Variants in MALRD1 observed in about 807,000 individuals in gnomAD.
The protein encoded by MALRD1 is MAM and LDL-receptor class A domain-containing protein 1.
A neutral mutation model predicts 242.1 loss-of-function variants in MALRD1; 247 were observed. That is an observed-to-expected ratio of 1.02 (90% CI 0.92 to 1.13). The LOEUF (loss-of-function observed/expected upper bound fraction) is 1.13. Ranked by LOEUF, MALRD1 falls within the 50% of genes most tolerant of loss-of-function variation. The pLI is 0.00. For missense variants in MALRD1, 2,989 were observed against 2,533.1 expected (o/e 1.18, Z -3.86); for synonymous variants, 995 against 866.6 (o/e 1.15, Z -2.60).
At chr10:19,679,614 C>T (rs994539603) in intron 36 of MALRD1, among the ~76,000 whole-genome samples, 2 of 151,896 alleles carry the variant, frequency 1.3e-5, no homozygotes, top group South Asian at 2.1e-4. Context: ...CTGCTGGATT[C>T]GTTGATCTTT....
At chr10:19,278,139 C>T (rs79274263) in intron 19 of MALRD1, among the ~76,000 whole-genome samples, 3,312 of 152,164 alleles carry the variant, frequency 0.022, 139 homozygotes, top group African/African-American at 0.077. Flanking sequence ...GTCAATCAGA[C>T]ACATGCTTAT....
chr10:19,052,914 T>C lies in MALRD1; in HGVS notation c.199+3777T>C, dbSNP rs141181930. ...GATGCTTTTTCTTCCCTCCTCAAGTTCCTTTTTGCACTATCACCACCCAAC... is the reference window on the plus strand; with the variant it reads ...GATGCTTTTTCTTCCCTCCTCAAGTCCCTTTTTGCACTATCACCACCCAAC... On this transcript the variant is annotated intron_variant, in intron 1 of 39. Coordinates refer to ENST00000454679, the MANE Select transcript of MALRD1 (RefSeq NM_001142308.3). Among the ~76,000 whole-genome samples the C allele has an allele frequency of 3.1e-3, 476 of 152,282 alleles. 4 individuals are homozygous for C. The highest frequency in any genetic ancestry group is 0.011 in the African/African-American group (454 of 41,562).
intron 13 of MALRD1, among the ~76,000 whole-genome samples, chr10:19,171,903 C>T (rs548706413): frequency 1.2e-4 from 16 of 134,632 alleles, no homozygotes; most frequent in Non-Finnish European, 1.8e-4. Context: ...ATATATATCA[C>T]ATAATATATG....
At chr10:19,600,992 C>T (rs543407580) in intron 34 of MALRD1, among the ~76,000 whole-genome samples, 1 of 152,060 alleles carries the variant, frequency 6.6e-6, no homozygotes, top group Admixed American at 6.6e-5. Context: ...TCAAGCAATC[C>T]CCCCACCTTA....
rs149254020 is a variant in MALRD1, at chr10:19,516,371, C to T, written c.5321-14823C>T. Among the ~76,000 whole-genome samples, 402 of 152,206 alleles carry T rather than the reference C, an allele frequency of 2.6e-3. 7 individuals are homozygous for T. The East Asian group carries it at 0.05, about 19-fold the overall frequency. ...AGCTGGTAGAAAAATACCACACATA[C>T]ATAACATATAGACAATTAGACAAAA... is the stretch of plus-strand genomic sequence containing the variant. On this transcript the variant is annotated intron_variant, in intron 31 of 39. Coordinates refer to ENST00000454679, the MANE Select transcript of MALRD1 (RefSeq NM_001142308.3).
chr10:19,332,880 A>G (rs1436550917), intron 24 of MALRD1, among the ~76,000 whole-genome samples: 1 of 152,006 alleles, frequency 6.6e-6, no homozygotes, highest in Non-Finnish European at 1.5e-5. Context: ...CAAGTATTTT[A>G]TTTATTATTA....
At chr10:19,240,616 G>C (rs984215707) in intron 18 of MALRD1, among the ~76,000 whole-genome samples, 4 of 151,938 alleles carry the variant, frequency 2.6e-5, no homozygotes, top group African/African-American at 9.7e-5. Context: ...AAATAGAAGT[G>C]GTAGAAGTTG....
chr10:19,611,052 C>T (rs946412209), intron 35 of MALRD1, among the ~76,000 whole-genome samples: 3 of 151,836 alleles, frequency 2.0e-5, no homozygotes, highest in African/African-American at 4.8e-5. Context: ...CAAATACTCC[C>T]CCCAGTATAG....
chr10:19,081,006 T>C (rs779761075), intron 2 of MALRD1, among the ~76,000 whole-genome samples: 3 of 151,782 alleles, frequency 2.0e-5, no homozygotes, highest in Non-Finnish European at 2.9e-5. Flanking sequence ...CACAAACATA[T>C]GAAAAAAACC....
chr10:19,416,117 T>C (rs1833505281), intron 28 of MALRD1, among the ~76,000 whole-genome samples: 1 of 152,192 alleles, frequency 6.6e-6, no homozygotes, highest in Admixed American at 6.6e-5. Flanking sequence ...TGGATGTAGT[T>C]TGTGTTAGGT....
chr10:19,713,455 C>T (rs914308755), intron 38 of MALRD1, among the ~76,000 whole-genome samples: 1 of 152,150 alleles, frequency 6.6e-6, no homozygotes, highest in East Asian at 1.9e-4. Context: ...TGGCTCTGCC[C>T]ATGGGAAGTT....
At chr10:19,595,575 AAC>A in intron 34 of MALRD1, 118 bp downstream of exon 34, 1 of 1,186,392 alleles carries the variant, frequency 8.4e-7, no homozygotes, top group East Asian at 2.6e-5. Context: ...TATCATTAAT[AAC>A]ACAGCTTTCA....
intron 18 of MALRD1, among the ~76,000 whole-genome samples, chr10:19,234,746 T>C (rs894213024): frequency 2.8e-4 from 43 of 152,150 alleles, no homozygotes; most frequent in African/African-American, 1.0e-3. Context: ...TTAACACAAA[T>C]AGCAGGTGAT....
chr10:19,589,635 AGAAAC>A (rs536356648), intron 33 of MALRD1, among the ~76,000 whole-genome samples: 76 of 152,306 alleles, frequency 5.0e-4, no homozygotes, highest in African/African-American at 1.8e-3. Context: ...CTTAACATAA[AGAAAC>A]AAACAACCCT....
chr10:19,581,793 A>C (rs1837139777), intron 33 of MALRD1, among the ~76,000 whole-genome samples: 1 of 151,160 alleles, frequency 6.6e-6, no homozygotes, highest in Non-Finnish European at 1.5e-5. Context: ...AGGAATCGCC[A>C]CACTGACTTC....
chr10:19,401,127 C>A (rs2130853477), intron 28 of MALRD1, among the ~76,000 whole-genome samples: 1 of 152,204 alleles, frequency 6.6e-6, no homozygotes, highest in Non-Finnish European at 1.5e-5. Context: ...CCCCTGAATT[C>A]ACCAATTATT....
intron 36 of MALRD1, among the ~76,000 whole-genome samples, chr10:19,623,583 C>A (rs1417873318): frequency 6.6e-6 from 1 of 152,172 alleles, no homozygotes; most frequent in Non-Finnish European, 1.5e-5. Flanking sequence ...AGTGCTTTAA[C>A]TCCCAGTCCA....
At chr10:19,402,506 T>G (rs1225924281) in intron 28 of MALRD1, among the ~76,000 whole-genome samples, 1 of 152,114 alleles carries the variant, frequency 6.6e-6, no homozygotes, top group Non-Finnish European at 1.5e-5. Flanking sequence ...TCACTTACCT[T>G]CAGCCATGAC....
intron 18 of MALRD1, among the ~76,000 whole-genome samples, chr10:19,218,136 A>G: frequency 6.6e-6 from 1 of 152,146 alleles, no homozygotes; most frequent in East Asian, 1.9e-4. Context: ...TATGTATATA[A>G]GAGGCTTCAA....
Sources: allele counts gnomAD v4.1 joint callset (sites outside exome capture counted in the v4.1 genomes callset), GRCh38; gene constraint gnomAD v4.1.1; transcripts MANE v1.5; gene names NCBI Gene and HGNC (gene_info 2026-07-23, HGNC 2026-07-21).